PKHD1: variants seen among roughly 807,000 people sequenced by gnomAD.
The protein encoded by PKHD1 is fibrocystin.
In PKHD1, 291 loss-of-function variants were observed where a neutral mutation model predicts 412.0. That is an observed-to-expected ratio of 0.71 (90% CI 0.64 to 0.78). The LOEUF is 0.78. Among genes scored for constraint, PKHD1 ranks in the 30% least tolerant of loss-of-function variants. PKHD1 has a pLI of 0.00. For missense variants in PKHD1, 4,825 were observed against 4,950.7 expected (o/e 0.97, Z 0.76); for synonymous variants, 1,777 against 1,821.5 (o/e 0.98, Z 0.62).
intron 53 of PKHD1, among the ~76,000 whole-genome samples, chr6:51,788,471 G>C (rs1336800000): frequency 6.7e-6 from 1 of 149,110 alleles, no homozygotes; most frequent in Admixed American, 6.6e-5. Flanking sequence ...GTCGGATGTG[G>C]CCAAATGGTA....
chr6:52,002,592 C>T (rs1184405479), intron 35 of PKHD1, among the ~76,000 whole-genome samples: 1 of 152,102 alleles, frequency 6.6e-6, no homozygotes, highest in Admixed American at 6.5e-5. Flanking sequence ...TAATAACTAG[C>T]TCAACCCTGC....
chr6:51,944,251 G>A lies in PKHD1; in HGVS notation c.5909-9929C>T, dbSNP rs9382054. Reference sequence around the variant, plus strand: ...CACTTTGTGACCCCCACTCCTACACGCCAGAGAACAACCCCCCTTTTTCCT... The same window carrying A: ...CACTTTGTGACCCCCACTCCTACACACCAGAGAACAACCCCCCTTTTTCCT... On this transcript the variant is annotated intron_variant, in intron 36 of 66. Coordinates refer to ENST00000371117, the MANE Select transcript of PKHD1 (RefSeq NM_138694.4). Among the ~76,000 whole-genome samples, 107 of 146,806 alleles carry A rather than the reference G, an allele frequency of 7.3e-4. 1 individual carries two copies. The East Asian group carries it at 0.017, about 23-fold the overall frequency.
At chr6:51,728,087 C>T (rs1056679266) in intron 60 of PKHD1, among the ~76,000 whole-genome samples, 1 of 152,182 alleles carries the variant, frequency 6.6e-6, no homozygotes, top group African/African-American at 2.4e-5. Context: ...GTCAAGCACG[C>T]ACCATGCTTT....
chr6:51,670,375 C>T (rs1774714719), intron 60 of PKHD1, among the ~76,000 whole-genome samples: 1 of 151,946 alleles, frequency 6.6e-6, no homozygotes, highest in African/African-American at 2.4e-5. Context: ...GCAACCCCTG[C>T]CTTTTTTTGT....
In PKHD1 at chr6:51,772,747, T is replaced by G; in HGVS notation, c.8597A>C (p.Asn2866Thr). ...KVHLYSAYPKNSWTHLGADIA... is the reference protein window; with the variant it reads ...KVHLYSAYPKTSWTHLGADIA... The stretch of plus-strand genomic sequence containing the variant: ...ATCAGCTCCAAGATGTGTCCAGGAG[T>G]TCTTAGGATAAGCACTGTAAAGATG... Residue 2866 changes from asparagine to threonine, a missense_variant, in exon 55 of 67, where the codon AAC becomes ACC. Asn to Thr is a moderately conservative substitution (Grantham distance 65). Transcript: ENST00000371117. 1.2e-6 allele frequency: 2 copies of G among 1,600,980 alleles called. No individual in the cohort carries two copies. Among genetic ancestry groups the G allele is most frequent in the Non-Finnish European group, 1.7e-6 (2 of 1,168,694 alleles).
At chr6:52,048,693 G>A in intron 22 of PKHD1, 74 bp from the exon 23 acceptor site, 1 of 1,572,114 alleles carries the variant, frequency 6.4e-7, no homozygotes, top group Non-Finnish European at 8.7e-7. Flanking sequence ...TCTGAAGGAT[G>A]TCCTGTCTTG....
intron 52 of PKHD1, among the ~76,000 whole-genome samples, chr6:51,828,618 G>A (rs1767726257): frequency 1.3e-5 from 2 of 152,082 alleles, no homozygotes; most frequent in Non-Finnish European, 2.9e-5. Context: ...TGGGAGCAAT[G>A]AGTTCATGCA....
At chr6:51,725,559 G>A (rs1339035270) in intron 60 of PKHD1, among the ~76,000 whole-genome samples, 1 of 152,184 alleles carries the variant, frequency 6.6e-6, no homozygotes, top group African/African-American at 2.4e-5. Context: ...GTCCAAGAAA[G>A]AAAGAGACCA....
intron 3 of PKHD1, among the ~76,000 whole-genome samples, chr6:52,082,808 T>C (rs1362040872): frequency 6.6e-6 from 1 of 152,202 alleles, no homozygotes; most frequent in Admixed American, 6.5e-5. Flanking sequence ...TGGGGATGGA[T>C]ATGCTAAGCA....
intron 63 of PKHD1, among the ~76,000 whole-genome samples, chr6:51,647,563 T>C (rs952305025): frequency 3.9e-5 from 6 of 152,198 alleles, no homozygotes; most frequent in African/African-American, 1.4e-4. Flanking sequence ...GCTTTTGCAC[T>C]TATCATCACA....
chr6:51,807,950 G>A (rs1223548510), intron 52 of PKHD1, among the ~76,000 whole-genome samples: 2 of 152,050 alleles, frequency 1.3e-5, no homozygotes, highest in African/African-American at 2.4e-5. Flanking sequence ...TAAGGGGTAT[G>A]GGGTTTCTTT....
chr6:51,792,984 C>T (rs1793999783), intron 52 of PKHD1, among the ~76,000 whole-genome samples: 1 of 152,222 alleles, frequency 6.6e-6, no homozygotes, highest in Admixed American at 6.5e-5. Flanking sequence ...CTCTCCCACT[C>T]TGACTTCCTT....
intron 40 of PKHD1, 73 bp downstream of exon 40, chr6:51,909,210 T>A: frequency 9.2e-7 from 1 of 1,091,760 alleles, no homozygotes; most frequent in Non-Finnish European, 1.4e-6. Context: ...TCATCTATCA[T>A]TCCACCATGC....
chr6:52,026,100 C>T lies in PKHD1; in HGVS notation c.3710G>A (p.Cys1237Tyr). 2 of 1,614,202 alleles carry T rather than the reference C, an allele frequency of 1.2e-6. No individual in the cohort carries two copies. Among genetic ancestry groups the T allele is most frequent in the Non-Finnish European group, 1.7e-6 (2 of 1,180,038 alleles). The change falls in exon 32 of 67, where the codon TGT (cysteine) becomes TAT (tyrosine). Residue 1237 changes from cysteine (C) to tyrosine (Y), a missense_variant. By Grantham distance (194) the Cys-to-Tyr change is radical (BLOSUM62 -2). Transcript: ENST00000371117. ...LVWVLVGNRS[C>Y]DIVNLTEASI... Reference sequence around the variant, plus strand: ...CGCCTCCGTTAAGTTCACAATGTCACAGGACCGATTGCCCACAAGTACCCA... The same window carrying T: ...CGCCTCCGTTAAGTTCACAATGTCATAGGACCGATTGCCCACAAGTACCCA...
At chr6:51,923,803 G>C (rs1785105021) in intron 37 of PKHD1, among the ~76,000 whole-genome samples, 1 of 152,200 alleles carries the variant, frequency 6.6e-6, no homozygotes, top group South Asian at 2.1e-4. Flanking sequence ...AGTTAAAATT[G>C]AGGAGACTGT....
chr6:52,024,683 A>C lies in PKHD1; in HGVS notation c.5127T>G (p.Leu1709=). 6.2e-7 allele frequency: 1 copy of C among 1,614,146 alleles called. No individual in the cohort carries two copies. The highest frequency in any genetic ancestry group is 1.7e-5 in the Admixed American group (1 of 60,026). Residue 1709 remains leucine (L), a synonymous_variant, in exon 32 of 67, where the codon CTT becomes CTG. Coordinates refer to ENST00000371117, the MANE Select transcript of PKHD1 (RefSeq NM_138694.4). The stretch of plus-strand genomic sequence containing the variant: ...CTCTGACGTGGTACTCCCCGGCCGG[A>C]AGGGAAGGGACCACGCACTGAAGAA... ...HTVLQCVVPS[L]PAGEYHVRGY...
At chr6:51,833,590 A>G (rs2151529836) in intron 51 of PKHD1, among the ~76,000 whole-genome samples, 1 of 152,274 alleles carries the variant, frequency 6.6e-6, no homozygotes, top group South Asian at 2.1e-4. Flanking sequence ...TTGGAATCCT[A>G]AGTAATACAG....
At chr6:51,900,221 T>G (rs1781003115) in intron 43 of PKHD1, among the ~76,000 whole-genome samples, 1 of 152,240 alleles carries the variant, frequency 6.6e-6, no homozygotes, top group African/African-American at 2.4e-5. Context: ...AAGTCAATCC[T>G]AAGCCAAAAG....
chr6:51,697,358 T>G (rs565233871), intron 60 of PKHD1, among the ~76,000 whole-genome samples: 1 of 152,210 alleles, frequency 6.6e-6, no homozygotes, highest in Non-Finnish European at 1.5e-5. Flanking sequence ...TGCAATCAAA[T>G]CTGATTGGAG....
Sources: gnomAD v4.1 joint callset for allele counts (sites outside exome capture counted in the v4.1 genomes callset) on GRCh38, gnomAD v4.1.1 for gene constraint, MANE v1.5 for transcripts, NCBI Gene and HGNC (gene_info 2026-07-23, HGNC 2026-07-21) for gene names.